The following HS2ST1 variants were observed in gnomAD, a reference collection of about 807,000 sequenced individuals.
The protein encoded by HS2ST1 is 2-O-sulfotransferase.
Under a neutral mutation model 42.9 loss-of-function variants are expected in HS2ST1, and 18 were observed. That is an observed-to-expected ratio of 0.42 (90% CI 0.29 to 0.62). HS2ST1 has a LOEUF of 0.62. Among genes scored for constraint, HS2ST1 ranks in the 20% least tolerant of loss-of-function variants. The probability of loss-of-function intolerance (pLI) is 0.21; values close to 1 mark genes in which losing one functional copy is unlikely to be tolerated. For missense variants in HS2ST1, 334 were observed against 433.8 expected (o/e 0.77, Z 2.04); for synonymous variants, 146 against 152.9 (o/e 0.95, Z 0.33).
chr1:86,929,908 T>C (rs1193986699), intron 1 of HS2ST1, among the ~76,000 whole-genome samples: 1 of 151,882 alleles, frequency 6.6e-6, no homozygotes, highest in East Asian at 1.9e-4. Context: ...CAGAACAGTA[T>C]AGGCTGTACA....
intron 1 of HS2ST1, among the ~76,000 whole-genome samples, chr1:86,944,972 A>C (rs942427235): frequency 6.6e-6 from 1 of 151,788 alleles, no homozygotes; most frequent in African/African-American, 2.4e-5. Context: ...TCTAATTTGC[A>C]ACCTGCTGTA....
At chr1:86,988,878 G>C (rs1168402372) in intron 1 of HS2ST1, among the ~76,000 whole-genome samples, 2 of 152,224 alleles carry the variant, frequency 1.3e-5, no homozygotes, top group African/African-American at 4.8e-5. Flanking sequence ...ATTTGGCTTG[G>C]AGATTGGGTA....
chr1:87,050,202 C>T (rs1187068945), intron 1 of HS2ST1, among the ~76,000 whole-genome samples: 2 of 151,678 alleles, frequency 1.3e-5, no homozygotes, highest in Non-Finnish European at 2.9e-5. Flanking sequence ...GTCTGACAAT[C>T]TCAGCCTTTT....
chr1:87,027,701 T>A (rs1164018646), intron 1 of HS2ST1, among the ~76,000 whole-genome samples: 1 of 152,188 alleles, frequency 6.6e-6, no homozygotes, highest in African/African-American at 2.4e-5. Context: ...ATGTTTTTTC[T>A]TTTTTTGAGA....
chr1:87,004,236 G>A (rs1649371446), intron 1 of HS2ST1, among the ~76,000 whole-genome samples: 1 of 151,938 alleles, frequency 6.6e-6, no homozygotes, highest in Non-Finnish European at 1.5e-5. Context: ...ACTACAAGTA[G>A]AAAAATTAGG....
chr1:86,977,990 T>C (rs1411199264), intron 1 of HS2ST1, among the ~76,000 whole-genome samples: 2 of 152,216 alleles, frequency 1.3e-5, no homozygotes, highest in Non-Finnish European at 2.9e-5. Context: ...GAAAAATTCC[T>C]ATCTCCTAAT....
chr1:86,984,901 C>A (rs1020689086), intron 1 of HS2ST1, among the ~76,000 whole-genome samples: 1 of 56,944 alleles, frequency 1.8e-5, no homozygotes, highest in African/African-American at 4.9e-5. Context: ...AAGAAATCTC[C>A]GTCTCAAAAA....
At chr1:87,066,915 G>A (rs1034939082) in intron 1 of HS2ST1, among the ~76,000 whole-genome samples, 10 of 152,068 alleles carry the variant, frequency 6.6e-5, no homozygotes, top group African/African-American at 2.2e-4. Context: ...CCTTTTTATG[G>A]CTGCATAGTA....
intron 1 of HS2ST1, among the ~76,000 whole-genome samples, chr1:86,988,730 G>A (rs940234307): frequency 2.0e-5 from 3 of 152,134 alleles, no homozygotes; most frequent in African/African-American, 7.2e-5. Flanking sequence ...CACTACTGCC[G>A]GAATGGCGTT....
intron 1 of HS2ST1, among the ~76,000 whole-genome samples, chr1:86,983,260 C>G (rs988769883): frequency 6.6e-6 from 1 of 152,168 alleles, no homozygotes; most frequent in Non-Finnish European, 1.5e-5. Flanking sequence ...TGTTTTTACA[C>G]TGCTGTAAAG....
chr1:87,036,690 T>C (rs1650383294), intron 1 of HS2ST1, among the ~76,000 whole-genome samples: 1 of 152,180 alleles, frequency 6.6e-6, no homozygotes, highest in Admixed American at 6.5e-5. Flanking sequence ...TTAATTCAGT[T>C]GGTGTACTAA....
Position 87,056,336 on chromosome 1 carries a change from G to A in HS2ST1, c.125-16598G>A, listed in dbSNP as rs139453962. On this transcript the variant is annotated intron_variant, in intron 1 of 6. Coordinates refer to ENST00000370550, the MANE Select transcript of HS2ST1 (RefSeq NM_012262.4). The stretch of plus-strand genomic sequence containing the variant: ...ACAACAGATGTGGCTGCCCAGTCTT[G>A]AACTTGCCAGCCTAAAGAACCAGAA... Among the ~76,000 whole-genome samples the A allele has an allele frequency of 1.5e-4, 23 of 152,256 alleles. No individual in the cohort carries two copies. The East Asian group carries it at 3.5e-3, about 23-fold the overall frequency.
chr1:87,085,127 T>C (rs1217075106), intron 3 of HS2ST1, among the ~76,000 whole-genome samples: 1 of 152,194 alleles, frequency 6.6e-6, no homozygotes, highest in Non-Finnish European at 1.5e-5. Flanking sequence ...GTAGTACACA[T>C]AGTACCATTG....
chr1:87,085,620 T>G (rs1651800209), intron 3 of HS2ST1, among the ~76,000 whole-genome samples: 1 of 152,246 alleles, frequency 6.6e-6, no homozygotes, highest in Non-Finnish European at 1.5e-5. Context: ...AATTATTTTT[T>G]TCTTTGCATA....
At chr1:86,950,019 T>C (rs1020767991) in intron 1 of HS2ST1, among the ~76,000 whole-genome samples, 5 of 152,102 alleles carry the variant, frequency 3.3e-5, no homozygotes, top group Admixed American at 2.6e-4. Context: ...AATCCATAAA[T>C]AGAAAAAGCA....
At chr1:86,929,509 CTT>C (rs1388588715) in intron 1 of HS2ST1, among the ~76,000 whole-genome samples, 1 of 151,726 alleles carries the variant, frequency 6.6e-6, no homozygotes, top group Non-Finnish European at 1.5e-5. Context: ...AAAGCTATGG[CTT>C]TTTGATGTTA....
chr1:86,923,874 G>C (rs1292743988), intron 1 of HS2ST1, among the ~76,000 whole-genome samples: 1 of 152,022 alleles, frequency 6.6e-6, no homozygotes, highest in Non-Finnish European at 1.5e-5. Context: ...TTCCACCCCT[G>C]GCCCCTCCCA....
intron 1 of HS2ST1, among the ~76,000 whole-genome samples, chr1:87,050,399 G>C (rs1227530498): frequency 1.3e-5 from 2 of 151,148 alleles, no homozygotes; most frequent in African/African-American, 2.4e-5. Flanking sequence ...ATTATTTCTA[G>C]GTTATCTTAG....
chr1:87,037,179 A>C (rs1356631030), intron 1 of HS2ST1, among the ~76,000 whole-genome samples: 1 of 17,654 alleles, frequency 5.7e-5, no homozygotes, highest in Non-Finnish European at 2.6e-4. Flanking sequence ...TGAAAGTAGT[A>C]TGTGAATGTT....
Sources: allele counts gnomAD v4.1 joint callset (sites outside exome capture counted in the v4.1 genomes callset), GRCh38; gene constraint gnomAD v4.1.1; transcripts MANE v1.5; gene names NCBI Gene and HGNC (gene_info 2026-07-23, HGNC 2026-07-21).